Variants in DCC observed in about 807,000 individuals in gnomAD.
The protein encoded by DCC is netrin receptor DCC.
In DCC, 58 loss-of-function variants were observed where a neutral mutation model predicts 172.5. That is an observed-to-expected ratio of 0.34 (90% CI 0.27 to 0.42). DCC has a LOEUF of 0.42. Ranked by LOEUF, DCC falls within the 10% of genes least tolerant of loss-of-function variation. The pLI is 1.00. For synonymous variants in DCC, 709 were observed against 644.5 expected (o/e 1.10, Z -1.52); for missense variants, 1,740 against 1,791.0 (o/e 0.97, Z 0.51).
chr18:52,669,588 T>A (rs2035515615), intron 1 of DCC, among the ~76,000 whole-genome samples: 1 of 152,220 alleles, frequency 6.6e-6, no homozygotes, highest in Non-Finnish European at 1.5e-5. Context: ...GTTTCAATGG[T>A]CCATGTCTCA....
At chr18:52,724,091 A>G (rs971280259) in intron 1 of DCC, among the ~76,000 whole-genome samples, 1 of 152,134 alleles carries the variant, frequency 6.6e-6, no homozygotes, top group Non-Finnish European at 1.5e-5. Context: ...TCACCACCAG[A>G]TATCAACTTT....
intron 27 of DCC, among the ~76,000 whole-genome samples, chr18:53,517,907 C>CCCTCA (rs2046356550): frequency 6.6e-6 from 1 of 152,084 alleles, no homozygotes; most frequent in Non-Finnish European, 1.5e-5. Flanking sequence ...GCTATTGTGT[C>CCCTCA]TGAGTAAATG....
intron 19 of DCC, among the ~76,000 whole-genome samples, chr18:53,407,216 T>C (rs1446516608): frequency 6.6e-6 from 1 of 152,120 alleles, no homozygotes; most frequent in Non-Finnish European, 1.5e-5. Flanking sequence ...AGTTTCATCA[T>C]GCACTTAAAA....
intron 1 of DCC, among the ~76,000 whole-genome samples, chr18:52,456,769 C>A (rs918277521): frequency 6.6e-6 from 1 of 152,054 alleles, no homozygotes; most frequent in African/African-American, 2.4e-5. Flanking sequence ...TCTGGTCTGA[C>A]TCCTTATTTT....
chr18:52,535,433 T>C (rs989861205), intron 1 of DCC, among the ~76,000 whole-genome samples: 2 of 152,178 alleles, frequency 1.3e-5, no homozygotes, highest in African/African-American at 2.4e-5. Flanking sequence ...ACTCATTGTA[T>C]CCCATTTTGT....
intron 5 of DCC, chr18:52,932,066 T>C (rs2040314960): frequency 6.6e-6 from 1 of 152,114 alleles, no homozygotes; most frequent in Non-Finnish European, 1.5e-5. Context: ...GGAGGAGTCC[T>C]AAAGAAGAAA....
chr18:53,147,177 C>A (rs1219579975), intron 7 of DCC, among the ~76,000 whole-genome samples: 2 of 152,154 alleles, frequency 1.3e-5, no homozygotes, highest in Non-Finnish European at 2.9e-5. Context: ...GCTTAGATAT[C>A]ATTTTCTTCA....
intron 1 of DCC, among the ~76,000 whole-genome samples, chr18:52,729,757 T>C (rs2036607879): frequency 6.6e-6 from 1 of 152,192 alleles, no homozygotes; most frequent in African/African-American, 2.4e-5. Context: ...GAATGGATAT[T>C]TAAGAAGCAT....
At chr18:52,419,812 G>A (rs1987184170) in intron 1 of DCC, among the ~76,000 whole-genome samples, 1 of 151,924 alleles carries the variant, frequency 6.6e-6, no homozygotes, top group Admixed American at 6.6e-5. Context: ...CTGAATGTTT[G>A]CTATAAAAAT....
At chr18:52,850,783 G>A (rs181702786) in intron 2 of DCC, among the ~76,000 whole-genome samples, 3 of 152,022 alleles carry the variant, frequency 2.0e-5, no homozygotes, top group East Asian at 1.9e-4. Context: ...GTCCTATTGT[G>A]TTTTTCTAAG....
At chr18:52,658,570 A>G (rs1270290374) in intron 1 of DCC, among the ~76,000 whole-genome samples, 1 of 151,010 alleles carries the variant, frequency 6.6e-6, no homozygotes, top group Non-Finnish European at 1.5e-5. Context: ...CTAGTTCTAC[A>G]CTATTCCAAT....
intron 23 of DCC, among the ~76,000 whole-genome samples, chr18:53,457,510 G>A (rs1158933477): frequency 6.6e-6 from 1 of 152,190 alleles, no homozygotes; most frequent in East Asian, 1.9e-4. Flanking sequence ...AGATGCTGGT[G>A]TTAAGTTATT....
intron 2 of DCC, among the ~76,000 whole-genome samples, chr18:52,827,266 C>T (rs116813125): frequency 1.4e-3 from 208 of 152,278 alleles, no homozygotes; most frequent in African/African-American, 4.9e-3. Flanking sequence ...AGGTTCCTAA[C>T]CCCAATTGAT....
chr18:53,304,585 A>T (rs1391234192), intron 12 of DCC, among the ~76,000 whole-genome samples: 1 of 152,038 alleles, frequency 6.6e-6, no homozygotes, highest in Admixed American at 6.6e-5. Flanking sequence ...ATATCCCCAG[A>T]GGATAAAGCT....
chr18:52,457,403 A>T (rs77518039), intron 1 of DCC, among the ~76,000 whole-genome samples: 2,294 of 152,320 alleles, frequency 0.015, 44 homozygotes, highest in East Asian at 0.039. Flanking sequence ...AATATTTTTC[A>T]TGTATCAAAT....
intron 12 of DCC, among the ~76,000 whole-genome samples, chr18:53,259,095 T>C (rs201521934): frequency 1.3e-5 from 2 of 152,260 alleles, no homozygotes; most frequent in South Asian, 2.1e-4. Context: ...ATTTTGAGCC[T>C]GTGTGTGTCT....
chr18:53,436,330 T>A (rs746563433), intron 22 of DCC, among the ~76,000 whole-genome samples: 138 of 152,234 alleles, frequency 9.1e-4, no homozygotes, highest in Non-Finnish European at 8.7e-4. Flanking sequence ...TTCTATTTTA[T>A]GAAACAACAA....
intron 22 of DCC, among the ~76,000 whole-genome samples, chr18:53,447,868 G>C (rs567321341): frequency 1.2e-4 from 19 of 152,080 alleles, no homozygotes; most frequent in Non-Finnish European, 2.6e-4. Context: ...TTTATGGTAA[G>C]TGTAAAAATT....
intron 15 of DCC, among the ~76,000 whole-genome samples, chr18:53,353,279 G>GAA (rs67730754): frequency 0.31 from 41,153 of 134,610 alleles, 7,765 homozygotes; most frequent in Non-Finnish European, 0.44. Context: ...CACTTGAGAG[G>GAA]AAAAAAAAAA....
Sources: allele counts gnomAD v4.1 joint callset (sites outside exome capture counted in the v4.1 genomes callset), GRCh38; gene constraint gnomAD v4.1.1; transcripts MANE v1.5; gene names NCBI Gene and HGNC (gene_info 2026-07-23, HGNC 2026-07-21).